The following PCDHGA5 variants were observed in gnomAD, a reference collection of about 807,000 sequenced individuals.
The protein encoded by PCDHGA5 is protocadherin gamma-A5.
PCDHGA5 carries 36 observed loss-of-function variants against 56.7 expected under a neutral mutation model. The observed-to-expected ratio is 0.64, with a 90% confidence interval of 0.49 to 0.84. The LOEUF is 0.84. PCDHGA5 is among the 40% of genes least tolerant of loss of function. The pLI is 0.00. For synonymous variants in PCDHGA5, 563 were observed against 520.2 expected, an observed-to-expected ratio of 1.08 and a Z score of -1.12; for missense variants, 1,305 against 1,201.5, an observed-to-expected ratio of 1.09 and a Z score of -1.27.
chr5:141,376,127 G>A (rs1331529697), intron 1 of PCDHGA5: 4 of 1,613,828 alleles, frequency 2.5e-6, no homozygotes, highest in East Asian at 2.2e-5. Flanking sequence ...CGAGCCCTCC[G>A]CCAAACCCAA....
At chr5:141,459,531 A>G (rs1479666418) in intron 1 of PCDHGA5, among the ~76,000 whole-genome samples, 2 of 152,184 alleles carry the variant, frequency 1.3e-5, no homozygotes, top group Admixed American at 1.3e-4. Context: ...TTTTGTAGGC[A>G]TATTTTTTTT....
rs769652961 is a variant in PCDHGA5, at chr5:141,489,435, A to G, written c.2422-5372A>G. ...CAGATCTGTTGAGCCGGCGGCTGCAATTGGGCTCTGAGGAGAATGGGCGCT... is the reference window on the plus strand; with the variant it reads ...CAGATCTGTTGAGCCGGCGGCTGCAGTTGGGCTCTGAGGAGAATGGGCGCT... On this transcript the variant is annotated intron_variant, in intron 1 of 3. Coordinates refer to ENST00000518069, the MANE Select transcript of PCDHGA5 (RefSeq NM_018918.3). This position sits in a 1 kb window ranked among gnomAD's most constrained non-coding sequence, Gnocchi z 4.5. 2 of 1,614,138 alleles carry G rather than the reference A, an allele frequency of 1.2e-6. No homozygotes were observed. The highest frequency in any genetic ancestry group is 1.7e-6 in the Non-Finnish European group (2 of 1,180,024).
chr5:141,457,798 C>T (rs1233396158), intron 1 of PCDHGA5, among the ~76,000 whole-genome samples: 5 of 152,194 alleles, frequency 3.3e-5, no homozygotes, highest in African/African-American at 9.6e-5. Context: ...GTTATCCTCT[C>T]CTCTTGAGGT....
Position 141,511,606 on chromosome 5 carries a change from G to A in PCDHGA5, c.*433G>A, listed in dbSNP as rs1160129762. The stretch of plus-strand genomic sequence containing the variant: ...TGTTGAAGTACCAAGTAACCTACAA[G>A]CCTCCTAGTTCTGAAAAGTTGGAAG... On this transcript the variant is annotated 3_prime_UTR_variant, in exon 4 of 4. Transcript: ENST00000518069. 2 of 248,594 alleles carry A rather than the reference G, an allele frequency of 8.0e-6. No individual in the cohort carries two copies. Among genetic ancestry groups the A allele is most frequent in the Non-Finnish European group, 1.6e-5 (2 of 123,946 alleles). 15.4% of individuals were successfully genotyped at this position (248,594 alleles called of 1,614,324 possible). A position where few individuals can be genotyped will look rare whatever the true frequency, so the allele number is the denominator to read the frequency against.
intron 1 of PCDHGA5, chr5:141,410,663 T>C (rs2095415377): frequency 6.4e-7 from 1 of 1,570,102 alleles, no homozygotes; most frequent in Non-Finnish European, 8.6e-7. Flanking sequence ...AATAGTCTAC[T>C]AGTTTCTCAT....
chr5:141,510,553 A>C (rs1471878583), intron 3 of PCDHGA5, among the ~76,000 whole-genome samples: 1 of 152,162 alleles, frequency 6.6e-6, no homozygotes, highest in African/African-American at 2.4e-5. Context: ...TGTTTTGAGC[A>C]CTTACATCTA....
Position 141,400,574 on chromosome 5 carries a change from T to A in PCDHGA5, c.2421+33823T>A, listed in dbSNP as rs1589419530. On this transcript the variant is annotated intron_variant, in intron 1 of 3. Transcript: ENST00000518069. ...TTTTCATTACCCACCCAATTTTCTG[T>A]ATTTACATGAAACTATCGTACATTT... 3 of 1,612,232 alleles carry A rather than the reference T, an allele frequency of 1.9e-6. No individual in the cohort carries two copies. In the Middle Eastern group the frequency reaches 4.9e-4, roughly 266 times the overall value.
rs773944794 is a variant in PCDHGA5 at position 141,477,003 on chromosome 5, C to T, written c.2422-17804C>T. 1.2e-6 allele frequency: 2 copies of T among 1,614,214 alleles called. No homozygotes were observed. The highest frequency in any genetic ancestry group is 8.5e-7 in the Non-Finnish European group (1 of 1,180,040). On this transcript the variant is annotated intron_variant, in intron 1 of 3. Transcript: ENST00000518069. This position sits in a 1 kb window ranked among gnomAD's most constrained non-coding sequence, Gnocchi z 4.9. ...CGCGCCGGCGTGCGGCAACTATTCG[C>T]CTTAGACCTTGTAACCGGGATGCTG...
chr5:141,415,136 G>C (rs763832284), intron 1 of PCDHGA5: 1 of 1,613,548 alleles, frequency 6.2e-7, no homozygotes, highest in Admixed American at 1.7e-5. Flanking sequence ...CAGGACCACG[G>C]CCAGCCCCCT....
In PCDHGA5 at chr5:141,511,477, C is replaced by A; in HGVS notation, c.*304C>A. 2.1e-6 allele frequency: 1 copy of A among 482,262 alleles called. No homozygotes were observed. The allele number at this position is 482,262 out of a possible 1,614,324, so 29.9% of individuals were successfully genotyped here. A position where few individuals can be genotyped will look rare whatever the true frequency, so the allele number is the denominator to read the frequency against. On this transcript the variant is annotated 3_prime_UTR_variant, in exon 4 of 4. Coordinates refer to ENST00000518069, the MANE Select transcript of PCDHGA5 (RefSeq NM_018918.3). ...TTTGCCACACCCCGTTTAGTTACAG[C>A]TGAACTCCTCCATCTTCCAAATCAA...
In PCDHGA5 at chr5:141,476,331, C is replaced by T; in HGVS notation, c.2422-18476C>T. On this transcript the variant is annotated intron_variant, in intron 1 of 3. Transcript: ENST00000518069. This position sits in a 1 kb window ranked among gnomAD's most constrained non-coding sequence, Gnocchi z 7.6. Reference sequence around the variant, plus strand: ...CGCAGGTTCCGGGTGGTGTCTGGAGCTAGCCGAAGATTCTTTGAGGTGAAC... The same window carrying T: ...CGCAGGTTCCGGGTGGTGTCTGGAGTTAGCCGAAGATTCTTTGAGGTGAAC... 1.2e-6 allele frequency: 2 copies of T among 1,614,156 alleles called. No individual in the cohort carries two copies. Among genetic ancestry groups the T allele is most frequent in the Non-Finnish European group, 1.7e-6 (2 of 1,180,042 alleles).
intron 1 of PCDHGA5, chr5:141,422,231 T>A: frequency 3.2e-6 from 5 of 1,566,292 alleles, no homozygotes; most frequent in Non-Finnish European, 4.3e-6. Context: ...ACGACGATGT[T>A]GATCACTGTT....
At chr5:141,382,896 G>T (rs754850386) in intron 1 of PCDHGA5, 1 of 1,537,674 alleles carries the variant, frequency 6.5e-7, no homozygotes, top group Admixed American at 2.1e-5. Context: ...GAAGCAGGAC[G>T]ACTATGGCGG....
At chr5:141,423,148 C>G (rs2096714622) in intron 1 of PCDHGA5, 1 of 1,613,404 alleles carries the variant, frequency 6.2e-7, no homozygotes, top group African/African-American at 1.3e-5. Flanking sequence ...CGCGCTCAAG[C>G]AGAGCCTCGT....
intron 1 of PCDHGA5, chr5:141,422,162 A>T: frequency 6.4e-7 from 1 of 1,571,230 alleles, no homozygotes; most frequent in Non-Finnish European, 8.6e-7. Context: ...GATTTTGAAA[A>T]ATATAGATTC....
intron 1 of PCDHGA5, chr5:141,382,982 C>A (rs1778673770): frequency 6.2e-7 from 1 of 1,612,206 alleles, no homozygotes; most frequent in Non-Finnish European, 8.5e-7. Flanking sequence ...GAAGCCTGGG[C>A]AGGACGTATT....
chr5:141,403,950 T>C (rs771679747), intron 1 of PCDHGA5: 13 of 1,613,706 alleles, frequency 8.1e-6, no homozygotes, highest in Non-Finnish European at 1.1e-5. Context: ...TGGACAAAAG[T>C]GCTCATTTCG....
Position 141,485,151 on chromosome 5 carries a change from T to C in PCDHGA5, c.2422-9656T>C, listed in dbSNP as rs1191585056. 1.0e-5 allele frequency: 16 copies of C among 1,584,876 alleles called. No homozygotes were observed. Among genetic ancestry groups the C allele is most frequent in the Non-Finnish European group, 1.3e-5 (15 of 1,156,528 alleles). On this transcript the variant is annotated intron_variant, in intron 1 of 3. Coordinates refer to ENST00000518069, the MANE Select transcript of PCDHGA5 (RefSeq NM_018918.3). This position sits in a 1 kb window ranked among gnomAD's most constrained non-coding sequence, Gnocchi z 5.7. ...GCTTCATCCGCGTCTCAGGAGCAAG[T>C]AGAGAATTAGCGGGCGGCAGCAATG...
At chr5:141,502,008 C>T (rs753492460) in intron 2 of PCDHGA5, among the ~76,000 whole-genome samples, 6 of 152,086 alleles carry the variant, frequency 3.9e-5, no homozygotes, top group Non-Finnish European at 8.8e-5. Context: ...AACCCGCATG[C>T]TCTCCTCCCT....
Sources: gnomAD v4.1 joint callset for allele counts (sites outside exome capture counted in the v4.1 genomes callset) on GRCh38, gnomAD v4.1.1 for gene constraint, Gnocchi (gnomAD v3.1) non-coding constraint, MANE v1.5 for transcripts, NCBI Gene and HGNC (gene_info 2026-07-23, HGNC 2026-07-21) for gene names.